Variants in OR9Q1 observed in about 807,000 individuals in gnomAD.
The protein encoded by OR9Q1 is olfactory receptor 9Q1.
For missense variants in OR9Q1, 374 were observed against 378.8 expected (o/e 0.99, Z 0.11); for synonymous variants, 153 against 148.6 (o/e 1.03, Z -0.22).
chr11:58,151,055 G>T (rs1252058083), intron 2 of OR9Q1, among the ~76,000 whole-genome samples: 1 of 152,080 alleles, frequency 6.6e-6, no homozygotes, highest in Non-Finnish European at 1.5e-5. Context: ...TTATGTTTAG[G>T]TATTTTATCC....
At chr11:58,157,206 CA>C (rs909974729) in intron 2 of OR9Q1, among the ~76,000 whole-genome samples, 2 of 152,158 alleles carry the variant, frequency 1.3e-5, no homozygotes, top group Admixed American at 6.6e-5. Context: ...AGGGTCTGCT[CA>C]GGCCTCTTTG....
intron 2 of OR9Q1, among the ~76,000 whole-genome samples, chr11:58,102,487 C>G (rs1046992289): frequency 1.3e-5 from 2 of 151,634 alleles, no homozygotes; most frequent in Non-Finnish European, 2.9e-5. Flanking sequence ...TCTTTCCTTT[C>G]TTGAAAATAT....
chr11:58,155,918 C>CTT (rs139275746), intron 2 of OR9Q1, among the ~76,000 whole-genome samples: 2,684 of 140,386 alleles, frequency 0.019, 80 homozygotes, highest in South Asian at 0.09. Flanking sequence ...TCTTTTCCTT[C>CTT]CTTTTTTTTT....
intron 1 of OR9Q1, among the ~76,000 whole-genome samples, chr11:58,042,687 TC>T (rs1263285833): frequency 1.3e-5 from 2 of 152,098 alleles, no homozygotes; most frequent in African/African-American, 4.8e-5. Context: ...GTGAAGAAAG[TC>T]ATTGGTAGCT....
At chr11:58,064,744 G>C (rs1853412166) in intron 2 of OR9Q1, among the ~76,000 whole-genome samples, 1 of 151,970 alleles carries the variant, frequency 6.6e-6, no homozygotes, top group Non-Finnish European at 1.5e-5. Context: ...TCTTAGAGAG[G>C]GTCAAGGACA....
chr11:58,180,442 A>G lies in OR9Q1; in HGVS notation c.*65A>G, dbSNP rs1054685049. 11 of 985,362 alleles carry G rather than the reference A, an allele frequency of 1.1e-5. No individual in the cohort carries two copies. The highest frequency in any genetic ancestry group is 9.8e-5 in the African/African-American group (6 of 61,344). 61.0% of individuals were successfully genotyped at this position (985,362 alleles called of 1,614,324 possible). On this transcript the variant is annotated 3_prime_UTR_variant, in exon 3 of 3. Coordinates refer to ENST00000335397, the MANE Select transcript of OR9Q1 (RefSeq NM_001005212.4). ...TGTAGTGTCAGAATTCTGGACGCTC[A>G]TTATTTATAGCATGCTCAATGTTTA...
intron 2 of OR9Q1, among the ~76,000 whole-genome samples, chr11:58,073,847 C>T (rs1263143746): frequency 6.6e-6 from 1 of 152,192 alleles, no homozygotes; most frequent in Non-Finnish European, 1.5e-5. Context: ...GTTTCCCTCC[C>T]TGTGTCCATG....
chr11:58,091,135 C>T (rs1305285138), intron 2 of OR9Q1, among the ~76,000 whole-genome samples: 1 of 151,540 alleles, frequency 6.6e-6, no homozygotes, highest in Non-Finnish European at 1.5e-5. Flanking sequence ...TTTTGTTTCT[C>T]TGTGTCCTTC....
intron 1 of OR9Q1, among the ~76,000 whole-genome samples, chr11:58,042,666 TTTCCAA>T (rs1368214455): frequency 4.6e-5 from 7 of 151,974 alleles, no homozygotes; most frequent in African/African-American, 1.5e-4. Flanking sequence ...CAAGTAGTTT[TTTCCAA>T]TTCTGTGAAG....
intron 2 of OR9Q1, among the ~76,000 whole-genome samples, chr11:58,093,785 A>G (rs1455301216): frequency 1.4e-5 from 2 of 146,180 alleles, no homozygotes; most frequent in African/African-American, 2.5e-5. Context: ...AAAAAAAAAG[A>G]CAAAAAATAA....
At chr11:58,175,643 G>A (rs1010702257) in intron 2 of OR9Q1, among the ~76,000 whole-genome samples, 13 of 152,068 alleles carry the variant, frequency 8.5e-5, no homozygotes, top group Admixed American at 4.6e-4. Flanking sequence ...CTATTAGGCT[G>A]CATGTTCCTC....
At chr11:58,056,987 G>GTTTTT (rs34375940) in intron 2 of OR9Q1, among the ~76,000 whole-genome samples, 2 of 68,778 alleles carry the variant, frequency 2.9e-5, no homozygotes, top group East Asian at 4.5e-4. Context: ...TACAATTCAG[G>GTTTTT]TTTTTTTTTT....
chr11:58,171,651 C>T (rs1267782802), intron 2 of OR9Q1: 1 of 151,606 alleles, frequency 6.6e-6, no homozygotes, highest in Non-Finnish European at 1.5e-5. Context: ...CTGACCATTC[C>T]AATTTTATAG....
At chr11:58,097,160 CATA>C (rs1853740347) in intron 2 of OR9Q1, among the ~76,000 whole-genome samples, 1 of 152,094 alleles carries the variant, frequency 6.6e-6, no homozygotes, top group Non-Finnish European at 1.5e-5. Context: ...TTTCATTCAA[CATA>C]ATATTTTTTG....
chr11:58,038,622 A>G (rs1853130494), intron 1 of OR9Q1, among the ~76,000 whole-genome samples: 1 of 152,190 alleles, frequency 6.6e-6, no homozygotes, highest in Non-Finnish European at 1.5e-5. Context: ...ACCCTTGGGA[A>G]GGTCCTTTGA....
intron 2 of OR9Q1, chr11:58,072,810 C>A (rs1407094832): frequency 6.5e-6 from 1 of 154,576 alleles, no homozygotes; most frequent in African/African-American, 2.4e-5. Flanking sequence ...ATTCTTCTTG[C>A]AGATGCTTTA....
intron 1 of OR9Q1, among the ~76,000 whole-genome samples, chr11:58,048,534 T>G (rs1853243296): frequency 6.7e-6 from 1 of 149,890 alleles, no homozygotes; most frequent in East Asian, 2.0e-4. Context: ...TGGTGGCACA[T>G]GCTGTAGCCC....
intron 1 of OR9Q1, among the ~76,000 whole-genome samples, chr11:58,055,041 C>G (rs537201610): frequency 5.4e-4 from 82 of 152,292 alleles, no homozygotes; most frequent in South Asian, 1.0e-3. Flanking sequence ...GAGCAAATGA[C>G]TTGGTTGGGA....
intron 2 of OR9Q1, among the ~76,000 whole-genome samples, chr11:58,178,382 G>T (rs192686532): frequency 6.6e-6 from 1 of 152,156 alleles, no homozygotes; most frequent in Non-Finnish European, 1.5e-5. Context: ...TCCATGATGG[G>T]CACCGTGGCA....
Sources: gnomAD v4.1 joint callset for allele counts (sites outside exome capture counted in the v4.1 genomes callset) on GRCh38, gnomAD v4.1.1 for gene constraint, MANE v1.5 for transcripts, NCBI Gene and HGNC (gene_info 2026-07-23, HGNC 2026-07-21) for gene names.